RRAGB: variants seen among roughly 807,000 people sequenced by gnomAD.
RRAGB encodes the protein ras-related GTP-binding protein B.
RRAGB carries 6 observed loss-of-function variants against 29.3 expected under a neutral mutation model. The ratio of observed to expected loss-of-function variants is 0.21; its 90% CI spans 0.11 to 0.40. The LOEUF (loss-of-function observed/expected upper bound fraction) is 0.40. RRAGB is among the 10% of genes least tolerant of loss of function. The pLI is 1.00. For synonymous variants in RRAGB, 101 were observed against 92.5 expected (o/e 1.09, Z -0.53); for missense variants, 184 against 272.9 (o/e 0.67, Z 2.29).
chrX:55,719,213 T>G, intron 1 of RRAGB, 101 bp from the exon 2 acceptor site: 3 of 733,963 alleles, frequency 4.1e-6, no homozygotes, highest in Non-Finnish European at 6.1e-6. Context: ...GCCGTTGTAC[T>G]AAACATGCTC....
At position 55,722,238 on chromosome X, in the gene RRAGB, T is replaced by C; in HGVS notation, c.179T>C (p.Ile60Thr). ...GGTAAGACCAGCATGAGGTCTATTATCTTTGCAAATTATATTGCCAGAGAC... is the reference window on the plus strand; with the variant it reads ...GGTAAGACCAGCATGAGGTCTATTACCTTTGCAAATTATATTGCCAGAGAC... ...GSGKTSMRSI[I>T]FANYIARDTR... is the part of the protein sequence containing the mutation. Residue 60 changes from isoleucine to threonine, a missense_variant, in exon 3 of 10, where the codon ATC (isoleucine) becomes ACC (threonine). Coordinates refer to ENST00000374941, the MANE Select transcript of RRAGB (RefSeq NM_006064.5). The C allele has an allele frequency of 1.7e-6, 2 of 1,199,893 alleles. No individual in the cohort carries two copies. The highest frequency in any genetic ancestry group is 2.3e-6 in the Non-Finnish European group (2 of 885,889).
chrX:55,741,188 T>C (rs1569246207), intron 5 of RRAGB, among the ~76,000 whole-genome samples: 1 of 111,240 alleles, frequency 9.0e-6, no homozygotes, highest in African/African-American at 3.3e-5. Context: ...TTGCTCTCAA[T>C]TGATCATTGT....
rs935335710 is a variant in RRAGB at position 55,730,942 on chromosome X, C to T, written c.294-422C>T. Reference sequence around the variant, plus strand: ...TGGATTGAACTGAAATCTAAAGAGACAAGCAGGAGTTAACTAGATGAGGAG... The same window carrying T: ...TGGATTGAACTGAAATCTAAAGAGATAAGCAGGAGTTAACTAGATGAGGAG... On this transcript the variant is annotated intron_variant, in intron 4 of 9. Transcript: ENST00000374941. Among the ~76,000 whole-genome samples, 8 of 110,248 alleles carry T rather than the reference C, an allele frequency of 7.3e-5. 1 individual carries two copies. Among genetic ancestry groups the T allele is most frequent in the Middle Eastern group, 8.4e-3 (2 of 238 alleles).
chrX:55,753,522 C>T lies in RRAGB; in HGVS notation c.735+8C>T. The T allele has an allele frequency of 1.7e-6, 2 of 1,184,625 alleles. No homozygotes were observed. The highest frequency in any genetic ancestry group is 2.3e-6 in the Non-Finnish European group (2 of 875,240). ...GAGAGAGCTACTTTTCTGGTAAGAA[C>T]TTTCTGCTTTGCAGATGTACTTCAC... On this transcript the variant is annotated splice_region_variant and intron_variant, in intron 7 of 9. Coordinates refer to ENST00000374941, the MANE Select transcript of RRAGB (RefSeq NM_006064.5).
Position 55,749,062 on chromosome X carries a change from G to C in RRAGB, c.517-2039G>C, listed in dbSNP as rs773705287. ...CCGCCCCGTCTGGGAGGGAGGTGGGGGTGTCAGCCCCCCGCCCGGCCAGCC... is the reference window on the plus strand; with the variant it reads ...CCGCCCCGTCTGGGAGGGAGGTGGGCGTGTCAGCCCCCCGCCCGGCCAGCC... On this transcript the variant is annotated intron_variant, in intron 5 of 9. Coordinates refer to ENST00000374941, the MANE Select transcript of RRAGB (RefSeq NM_006064.5). 7.3e-3 allele frequency among the ~76,000 whole-genome samples: 731 copies of C among 100,677 alleles called. 7 individuals are homozygous for C. Among genetic ancestry groups the C allele is most frequent in the African/African-American group, 0.025 (689 of 27,057 alleles). The allele number at this position is 100,677 out of a possible 115,157, so 87.4% of individuals were successfully genotyped here.
At chrX:55,751,386 T>G in intron 6 of RRAGB, 190 bp downstream of exon 6, 1 of 354,502 alleles carries the variant, frequency 2.8e-6, no homozygotes, top group South Asian at 6.3e-5. Context: ...GTTTTGATCT[T>G]ATATTGGGTT....
intron 2 of RRAGB, 91 bp from the exon 3 acceptor site, chrX:55,722,095 A>G: frequency 2.0e-6 from 1 of 498,234 alleles, no homozygotes; most frequent in Non-Finnish European, 3.4e-6. Context: ...TCAGGAAAAT[A>G]TCAAATCCAG....
At chrX:55,744,998 C>G (rs921740163) in intron 5 of RRAGB, among the ~76,000 whole-genome samples, 3 of 111,689 alleles carry the variant, frequency 2.7e-5, no homozygotes, top group African/African-American at 9.8e-5. Context: ...TAGGAGGGGC[C>G]AGATGCAACA....
At chrX:55,742,664 G>C (rs988942896) in intron 5 of RRAGB, among the ~76,000 whole-genome samples, 8 of 111,329 alleles carry the variant, frequency 7.2e-5, no homozygotes, top group Non-Finnish European at 1.5e-4. Flanking sequence ...ACACATTTCT[G>C]CCTTTGGAAC....
chrX:55,741,125 G>A (rs5960095), intron 5 of RRAGB, among the ~76,000 whole-genome samples: 14,432 of 106,721 alleles, frequency 0.14, 1,080 homozygotes, highest in Non-Finnish European at 0.2. Flanking sequence ...AATGGTCGAC[G>A]TTGATTTCTT....
In RRAGB at chrX:55,749,175, G is replaced by T. The variant is rs1276021651; in HGVS notation, c.517-1926G>T. Among the ~76,000 whole-genome samples the T allele has an allele frequency of 1.6e-4, 15 of 94,480 alleles. 1 individual carries two copies. The highest frequency in any genetic ancestry group is 4.2e-4 in the African/African-American group (11 of 25,926). The allele number at this position is 94,480 out of a possible 115,157, so 82.0% of individuals were successfully genotyped here. ...CTCTGCCCGGCCAGCCGCCCCGTCC[G>T]GGAGGGAAGTGGGGGGGGTCAGCCC... On this transcript the variant is annotated intron_variant, in intron 5 of 9. Transcript: ENST00000374941.
intron 5 of RRAGB, among the ~76,000 whole-genome samples, chrX:55,737,577 A>G (rs2033907616): frequency 8.9e-6 from 1 of 112,160 alleles, no homozygotes; most frequent in Non-Finnish European, 1.9e-5. Context: ...GTCTCTGCTG[A>G]AGGAAACTTC....
At position 55,722,234 on chromosome X, in the gene RRAGB, A is replaced by T. The variant is rs2033306728; in HGVS notation, c.175A>T (p.Ile59Phe). The change falls in exon 3 of 10, where the codon ATT (isoleucine) becomes TTT (phenylalanine). Residue 59 changes from isoleucine (I) to phenylalanine (F), a missense_variant. By Grantham distance (21) the Ile-to-Phe change is conservative. Transcript: ENST00000374941. ...GTCTGGTAAGACCAGCATGAGGTCT[A>T]TTATCTTTGCAAATTATATTGCCAG... Reference protein sequence around the residue: ...SGSGKTSMRSIIFANYIARDT... With the variant: ...SGSGKTSMRSFIFANYIARDT... The T allele has an allele frequency of 8.4e-7, 1 of 1,197,178 alleles. No individual in the cohort carries two copies.
intron 7 of RRAGB, among the ~76,000 whole-genome samples, chrX:55,753,854 G>C (rs1396024716): frequency 8.9e-6 from 1 of 111,847 alleles, no homozygotes; most frequent in East Asian, 2.8e-4. Context: ...AGACCAGCCT[G>C]ACCAACATGG....
At chrX:55,750,222 TTAGAG>T (rs1263671363) in intron 5 of RRAGB, among the ~76,000 whole-genome samples, 8 of 81,552 alleles carry the variant, frequency 9.8e-5, no homozygotes, top group Non-Finnish European at 1.7e-4. Context: ...GTGTGTGTGT[TTAGAG>T]AGAGAGAGAT....
intron 5 of RRAGB, among the ~76,000 whole-genome samples, chrX:55,738,573 C>T (rs1323914897): frequency 1.8e-5 from 2 of 112,568 alleles, no homozygotes; most frequent in East Asian, 2.8e-4. Flanking sequence ...CAAGACCTCC[C>T]GATTAGCTGG....
chrX:55,720,326 T>C (rs1047533886), intron 2 of RRAGB, among the ~76,000 whole-genome samples: 7 of 112,324 alleles, frequency 6.2e-5, no homozygotes, highest in African/African-American at 2.3e-4. Flanking sequence ...GTTATTGTTT[T>C]TCAATTAAAA....
At chrX:55,755,367 C>G (rs1290040485) in intron 7 of RRAGB, 1 of 745,757 alleles carries the variant, frequency 1.3e-6, no homozygotes, top group Non-Finnish European at 1.6e-6. Context: ...AAATATTCCT[C>G]AGGGATTGGA....
Position 55,749,266 on chromosome X carries a change from AG to A in RRAGB, c.517-1834del, listed in dbSNP as rs1248610577. On this transcript the variant is annotated intron_variant, in intron 5 of 9. Transcript: ENST00000374941. ...CTCTGCCCGGCCGCCCCTACTGGGA[AG>A]TGAGGAGCCCCTCTGCCCGGCCAGC... 9.2e-5 allele frequency among the ~76,000 whole-genome samples: 7 copies of A among 75,976 alleles called. No homozygotes were observed. The East Asian group carries it at 3.6e-3, about 39-fold the overall frequency. The allele number at this position is 75,976 out of a possible 115,157, so 66.0% of individuals were successfully genotyped here.
Sources: allele counts gnomAD v4.1 joint callset (sites outside exome capture counted in the v4.1 genomes callset), GRCh38; gene constraint gnomAD v4.1.1; transcripts MANE v1.5; gene names NCBI Gene and HGNC (gene_info 2026-07-23, HGNC 2026-07-21).